ST3GAL3: variants seen among roughly 807,000 people sequenced by gnomAD.
ST3GAL3 encodes CMP-N-acetylneuraminate-beta-1,4-galactoside alpha-2,3-sialyltransferase.
In ST3GAL3, 21 loss-of-function variants were observed where a neutral mutation model predicts 50.1. That is an observed-to-expected ratio of 0.42 (90% CI 0.30 to 0.60). The LOEUF (loss-of-function observed/expected upper bound fraction) is 0.60. ST3GAL3 is among the 20% of genes least tolerant of loss of function. The pLI is 0.19. For synonymous variants in ST3GAL3, 183 were observed against 190.0 expected (o/e 0.96, Z 0.30); for missense variants, 353 against 489.4 (o/e 0.72, Z 2.63).
intron 5 of ST3GAL3, among the ~76,000 whole-genome samples, chr1:43,885,590 C>T (rs1275858806): frequency 6.6e-6 from 1 of 152,188 alleles, no homozygotes; most frequent in Non-Finnish European, 1.5e-5. Context: ...GCCACCTCCA[C>T]CCTGGCCAGG....
At chr1:43,884,400 G>A (rs923909309) in intron 5 of ST3GAL3, among the ~76,000 whole-genome samples, 1 of 152,196 alleles carries the variant, frequency 6.6e-6, no homozygotes, top group Non-Finnish European at 1.5e-5. Context: ...GGGGAACGCA[G>A]CAAGACACAT....
At chr1:43,921,052 C>G (rs937180712) in intron 11 of ST3GAL3, 124 bp downstream of exon 11, 2 of 1,179,346 alleles carry the variant, frequency 1.7e-6, no homozygotes, top group African/African-American at 3.0e-5. Flanking sequence ...GTCCTGACAC[C>G]AAGCATCCTA....
intron 5 of ST3GAL3, among the ~76,000 whole-genome samples, chr1:43,867,086 C>T (rs1184267998): frequency 3.3e-5 from 5 of 151,800 alleles, no homozygotes; most frequent in Non-Finnish European, 5.9e-5. Flanking sequence ...GCCCAGATCA[C>T]GCCACTGCAC....
At chr1:43,721,579 C>G (rs1479229994) in intron 1 of ST3GAL3, among the ~76,000 whole-genome samples, 2 of 151,954 alleles carry the variant, frequency 1.3e-5, no homozygotes, top group Admixed American at 6.6e-5. Context: ...GCTGGGATTA[C>G]AGGCATGAGC....
intron 5 of ST3GAL3, chr1:43,879,202 AAAGGCTTGTATTT>A (rs2074662270): frequency 4.5e-6 from 2 of 446,544 alleles, no homozygotes; most frequent in Non-Finnish European, 9.0e-6. Context: ...AGACTCAGAA[AAAGGCTTGTATTT>A]AAGGACTGGA....
At chr1:43,917,511 AT>A (rs2082102198) in intron 9 of ST3GAL3, among the ~76,000 whole-genome samples, 1 of 59,294 alleles carries the variant, frequency 1.7e-5, no homozygotes, top group Non-Finnish European at 3.2e-5. Flanking sequence ...ATATTATATA[AT>A]ATAATATATA....
Position 43,864,411 on chromosome 1 carries a change from G to A in ST3GAL3, c.302+26100G>A, listed in dbSNP as rs2070794150. 2.0e-5 allele frequency among the ~76,000 whole-genome samples: 3 copies of A among 152,300 alleles called. No homozygotes were observed. The South Asian group carries it at 6.2e-4, about 32-fold the overall frequency. On this transcript the variant is annotated intron_variant, in intron 5 of 11. Coordinates refer to ENST00000347631, the MANE Select transcript of ST3GAL3 (RefSeq NM_006279.5). ...CAGGCAGGAGAGGCTTCCTAGAGATGGGGACACCTGTGCTGCCTATTGGAG... is the reference window on the plus strand; with the variant it reads ...CAGGCAGGAGAGGCTTCCTAGAGATAGGGACACCTGTGCTGCCTATTGGAG...
chr1:43,738,289 T>A (rs1032938617), intron 2 of ST3GAL3: 3 of 152,320 alleles, frequency 2.0e-5, no homozygotes, highest in African/African-American at 7.2e-5. Context: ...GCTAGTTATC[T>A]GCTGTCCTTT....
At chr1:43,850,163 G>C (rs2067009415) in intron 5 of ST3GAL3, 1 of 213,582 alleles carries the variant, frequency 4.7e-6, no homozygotes, top group South Asian at 7.5e-5. Context: ...CATGAAAAAA[G>C]TCCAAAAGAA....
At chr1:43,800,828 A>G (rs996429610) in intron 3 of ST3GAL3, among the ~76,000 whole-genome samples, 1 of 152,126 alleles carries the variant, frequency 6.6e-6, no homozygotes, top group Non-Finnish European at 1.5e-5. Flanking sequence ...ACTATTGCCA[A>G]CTTCTTCCTC....
intron 2 of ST3GAL3, among the ~76,000 whole-genome samples, chr1:43,779,697 T>C (rs1698716269): frequency 6.6e-6 from 1 of 152,192 alleles, no homozygotes; most frequent in South Asian, 2.1e-4. Flanking sequence ...TCTAATACGG[T>C]TAGAGCAATA....
chr1:43,886,923 A>G (rs939885123), intron 5 of ST3GAL3, among the ~76,000 whole-genome samples: 1 of 152,244 alleles, frequency 6.6e-6, no homozygotes, highest in Admixed American at 6.5e-5. Context: ...ACAAACAGAA[A>G]TGGAATCCAT....
intron 4 of ST3GAL3, among the ~76,000 whole-genome samples, chr1:43,830,672 G>A (rs957045181): frequency 6.6e-6 from 1 of 152,178 alleles, no homozygotes; most frequent in Non-Finnish European, 1.5e-5. Context: ...AATTTTATGA[G>A]ATATAGCCCT....
intron 4 of ST3GAL3, among the ~76,000 whole-genome samples, chr1:43,834,538 A>T (rs2064002979): frequency 6.6e-6 from 1 of 152,134 alleles, no homozygotes. Flanking sequence ...TGTGTGACGC[A>T]GTTGGTCTCT....
At chr1:43,881,131 C>T (rs2075050757) in intron 5 of ST3GAL3, among the ~76,000 whole-genome samples, 1 of 152,148 alleles carries the variant, frequency 6.6e-6, no homozygotes, top group Non-Finnish European at 1.5e-5. Context: ...CTACCTCAGC[C>T]TCCCAAGTAG....
At chr1:43,743,232 A>T (rs1249566946) in intron 2 of ST3GAL3, among the ~76,000 whole-genome samples, 1 of 151,734 alleles carries the variant, frequency 6.6e-6, no homozygotes, top group Non-Finnish European at 1.5e-5. Context: ...CCATTGACTT[A>T]CAGAACCAAA....
At chr1:43,824,673 T>C in intron 4 of ST3GAL3, 1 of 1,612,292 alleles carries the variant, frequency 6.2e-7, no homozygotes, top group East Asian at 2.2e-5. Context: ...AAAGACTTTC[T>C]CCTAGACATC....
At chr1:43,826,787 G>C (rs1415274676) in intron 4 of ST3GAL3, among the ~76,000 whole-genome samples, 1 of 152,150 alleles carries the variant, frequency 6.6e-6, no homozygotes, top group African/African-American at 2.4e-5. Context: ...GGCTGGTTCA[G>C]CTTCAAAAAT....
intron 2 of ST3GAL3, chr1:43,738,217 C>G (rs1679301151): frequency 1.3e-5 from 2 of 152,164 alleles, no homozygotes; most frequent in African/African-American, 4.8e-5. Context: ...GACAGAGAGG[C>G]TTATTAGGTT....
Sources: gnomAD v4.1 joint callset for allele counts (sites outside exome capture counted in the v4.1 genomes callset) on GRCh38, gnomAD v4.1.1 for gene constraint, MANE v1.5 for transcripts, NCBI Gene and HGNC (gene_info 2026-07-23, HGNC 2026-07-21) for gene names.